Variants in KLF13 observed in about 807,000 individuals in gnomAD.
KLF13 encodes Krueppel-like factor 13.
KLF13 carries 8 observed loss-of-function variants against 16.7 expected under a neutral mutation model. That is an observed-to-expected ratio of 0.48 (90% CI 0.28 to 0.87). The LOEUF is 0.87. Ranked by LOEUF, KLF13 falls within the 40% of genes least tolerant of loss-of-function variation. The pLI is 0.10. For missense variants in KLF13, 447 were observed against 452.2 expected (o/e 0.99, Z 0.10); for synonymous variants, 245 against 208.4 (o/e 1.18, Z -1.51).
intron 1 of KLF13, among the ~76,000 whole-genome samples, chr15:31,361,040 G>A (rs1267038490): frequency 6.6e-6 from 1 of 152,172 alleles, no homozygotes; most frequent in African/African-American, 2.4e-5. Flanking sequence ...TTCCTCAGCT[G>A]CAGCCTCCTG....
intron 1 of KLF13, among the ~76,000 whole-genome samples, chr15:31,338,000 C>T (rs1347260547): frequency 1.3e-5 from 2 of 152,116 alleles, no homozygotes; most frequent in South Asian, 2.1e-4. Context: ...GCTGTGTTGG[C>T]GAGCAGGTAG....
At chr15:31,424,448 A>G (rs1461630989) in intron 1 of KLF13, among the ~76,000 whole-genome samples, 2 of 152,212 alleles carry the variant, frequency 1.3e-5, no homozygotes. Context: ...TCACATTAAA[A>G]GAATGGAGGA....
chr15:31,361,685 G>A (rs944459257), intron 1 of KLF13, among the ~76,000 whole-genome samples: 13 of 152,216 alleles, frequency 8.5e-5, no homozygotes, highest in Admixed American at 3.3e-4. Context: ...CTAGAGAGCC[G>A]GCTGGGAGCA....
upstream of KLF13, among the ~76,000 whole-genome samples, chr15:31,388,066 A>T (rs1426365922): frequency 6.6e-6 from 1 of 152,204 alleles, no homozygotes; most frequent in African/African-American, 2.4e-5. Flanking sequence ...CTAGGTAAGG[A>T]TGCTGCCACG....
At chr15:31,412,260 A>G (rs1297309424) in intron 1 of KLF13, among the ~76,000 whole-genome samples, 1 of 152,218 alleles carries the variant, frequency 6.6e-6, no homozygotes, top group Admixed American at 6.5e-5. Flanking sequence ...CCTTGATCTT[A>G]GACTTTCTAA....
exon 3 of KLF13, chr15:31,403,800 C>CA (rs1220295414): frequency 6.6e-6 from 1 of 152,184 alleles, no homozygotes; most frequent in Non-Finnish European, 1.5e-5. Flanking sequence ...AACCCATAGT[C>CA]AGAGATAGTC....
intron 1 of KLF13, among the ~76,000 whole-genome samples, chr15:31,382,905 A>G (rs1168522604): frequency 6.6e-6 from 1 of 152,248 alleles, no homozygotes; most frequent in East Asian, 1.9e-4. Context: ...TGATAGGCCC[A>G]AGGAGCTCAG....
At chr15:31,379,237 A>G (rs1446960317), downstream of KLF13, among the ~76,000 whole-genome samples, 4 of 152,180 alleles carry the variant, frequency 2.6e-5, no homozygotes, top group Non-Finnish European at 4.4e-5. Flanking sequence ...TCATAAAAAC[A>G]AGCACACATT....
chr15:31,348,957 C>T (rs1307596097), intron 1 of KLF13, among the ~76,000 whole-genome samples: 2 of 152,092 alleles, frequency 1.3e-5, no homozygotes, highest in Non-Finnish European at 2.9e-5. Flanking sequence ...TCTAAGGGTA[C>T]TAATCCCATA....
exon 2 of KLF13, chr15:31,435,522 G>C (rs1324613797): frequency 6.6e-6 from 1 of 152,168 alleles, no homozygotes; most frequent in African/African-American, 2.4e-5. Context: ...GTCTGTGGCG[G>C]GCAAAGGATG....
At chr15:31,359,368 T>G (rs1304030126) in intron 1 of KLF13, among the ~76,000 whole-genome samples, 1 of 152,208 alleles carries the variant, frequency 6.6e-6, no homozygotes, top group African/African-American at 2.4e-5. Flanking sequence ...GCAAACACCT[T>G]TATGAAATTC....
rs573322657 is a variant in KLF13, at chr15:31,412,497, T to C, written n.117+18806T>C. ...CTATGAAAAAAAAACACTTCTAGAA[T>C]TAATAAAAGAGTTTAGCTAGGATAC... On this transcript the variant is annotated intron_variant and non_coding_transcript_variant, in intron 1 of 1. Transcript: ENST00000558225. Among the ~76,000 whole-genome samples the C allele has an allele frequency of 1.0e-3, 152 of 151,638 alleles. 2 individuals are homozygous for C. The South Asian group carries it at 0.029, about 29-fold the overall frequency.
chr15:31,367,408 A>G (rs1330520520), intron 1 of KLF13, among the ~76,000 whole-genome samples: 1 of 152,194 alleles, frequency 6.6e-6, no homozygotes, highest in Non-Finnish European at 1.5e-5. Flanking sequence ...CTCCTGATAT[A>G]TAGGGAGGCC....
At chr15:31,368,673 G>C (rs1335245729) in intron 1 of KLF13, among the ~76,000 whole-genome samples, 1 of 152,144 alleles carries the variant, frequency 6.6e-6, no homozygotes, top group East Asian at 1.9e-4. Flanking sequence ...AGCCAACATG[G>C]TGAAACTCTG....
intron 1 of KLF13, among the ~76,000 whole-genome samples, chr15:31,425,863 G>A (rs1457880654): frequency 6.6e-6 from 1 of 152,122 alleles, no homozygotes; most frequent in Non-Finnish European, 1.5e-5. Flanking sequence ...GCCAACAAGA[G>A]TGAAACTCCG....
At position 31,328,740 on chromosome 15, in the gene KLF13, T is replaced by G. The variant is rs377382017; in HGVS notation, c.577+951T>G. On this transcript the variant is annotated intron_variant, in intron 1 of 1. Coordinates refer to ENST00000307145, the MANE Select transcript of KLF13 (RefSeq NM_015995.4). ...AGTTGATTCATCTGTGGCGGTTCCC[T>G]CCCCCCTTTTTGTTTCGTTTTTAAC... Among the ~76,000 whole-genome samples, 23 of 152,184 alleles carry G rather than the reference T, an allele frequency of 1.5e-4. No individual in the cohort carries two copies. The East Asian group carries it at 4.4e-3, about 29-fold the overall frequency.
chr15:31,343,815 C>T (rs541995788), intron 1 of KLF13, among the ~76,000 whole-genome samples: 1 of 152,320 alleles, frequency 6.6e-6, no homozygotes, highest in South Asian at 2.1e-4. Context: ...TGGGGAAGGT[C>T]TCCTTGGAGA....
At chr15:31,399,123 T>G (rs2039997890) in intron 2 of KLF13, among the ~76,000 whole-genome samples, 1 of 152,162 alleles carries the variant, frequency 6.6e-6, no homozygotes, top group South Asian at 2.1e-4. Context: ...AATCACCCTC[T>G]GAGAGGAGCT....
chr15:31,412,844 C>T (rs11630485), intron 1 of KLF13, among the ~76,000 whole-genome samples: 86,926 of 151,996 alleles, frequency 0.57, 25,442 homozygotes, highest in South Asian at 0.69. Flanking sequence ...TAGTGAAAGG[C>T]ATCTGAAAGG....
Sources: gnomAD v4.1 joint callset for allele counts (sites outside exome capture counted in the v4.1 genomes callset) on GRCh38, gnomAD v4.1.1 for gene constraint, MANE v1.5 for transcripts, NCBI Gene and HGNC (gene_info 2026-07-23, HGNC 2026-07-21) for gene names.